The following USP46 variants were observed in gnomAD, a reference collection of about 807,000 sequenced individuals.
USP46 encodes the protein ubiquitin specific peptidase 46.
USP46 carries 12 observed loss-of-function variants against 44.4 expected under a neutral mutation model. The observed-to-expected ratio is 0.27, with a 90% confidence interval of 0.17 to 0.44. USP46 has a LOEUF of 0.44. Among genes scored for constraint, USP46 ranks in the 20% least tolerant of loss-of-function variants. USP46 has a pLI of 1.00. For synonymous variants in USP46, 155 were observed against 161.5 expected, an observed-to-expected ratio of 0.96 and a Z score of 0.31; for missense variants, 248 against 444.8, an observed-to-expected ratio of 0.56 and a Z score of 3.98.
intron 5 of USP46, among the ~76,000 whole-genome samples, chr4:52,609,030 C>CT (rs1716811592): frequency 6.6e-6 from 1 of 152,290 alleles, no homozygotes. Context: ...CACCCCTAAA[C>CT]TTTTCACAAG....
intron 1 of USP46, among the ~76,000 whole-genome samples, chr4:52,632,028 AGGGG>A (rs1443473714): frequency 6.8e-6 from 1 of 146,014 alleles, no homozygotes; most frequent in Non-Finnish European, 1.5e-5. Flanking sequence ...GGGAAGGGGA[AGGGG>A]AAGGGGAAGG....
chr4:52,599,087 A>G (rs1716351877), intron 7 of USP46, among the ~76,000 whole-genome samples: 1 of 152,216 alleles, frequency 6.6e-6, no homozygotes, highest in East Asian at 1.9e-4. Context: ...GGCAATACAC[A>G]AACTAAACTT....
intron 1 of USP46, among the ~76,000 whole-genome samples, chr4:52,634,209 G>T (rs1718021055): frequency 6.6e-6 from 1 of 151,164 alleles, no homozygotes; most frequent in African/African-American, 2.4e-5. Context: ...TACCCCCTGG[G>T]TTCAAACAAT....
intron 4 of USP46, among the ~76,000 whole-genome samples, chr4:52,613,195 T>G (rs1391161422): frequency 6.6e-6 from 1 of 152,032 alleles, no homozygotes; most frequent in Admixed American, 6.5e-5. Context: ...GAAGACTAAA[T>G]CTGGGAAACC....
chr4:52,601,787 C>A, intron 7 of USP46, 70 bp downstream of exon 7: 2 of 1,503,678 alleles, frequency 1.3e-6, no homozygotes, highest in East Asian at 2.3e-5. Flanking sequence ...AAAGGTGCAG[C>A]TGGGTATACT....
At chr4:52,649,384 C>A (rs1718672538) in intron 1 of USP46, among the ~76,000 whole-genome samples, 1 of 152,212 alleles carries the variant, frequency 6.6e-6, no homozygotes, top group African/African-American at 2.4e-5. Context: ...CATTGACTAC[C>A]TTTGTTGTAA....
At chr4:52,607,789 G>C (rs1716750649) in intron 5 of USP46, among the ~76,000 whole-genome samples, 1 of 152,168 alleles carries the variant, frequency 6.6e-6, no homozygotes, top group Non-Finnish European at 1.5e-5. Context: ...CCAGTTATGT[G>C]ATGTGCCTGC....
intron 1 of USP46, among the ~76,000 whole-genome samples, chr4:52,653,365 C>G (rs1718837674): frequency 6.6e-6 from 1 of 151,820 alleles, no homozygotes; most frequent in Admixed American, 6.6e-5. Context: ...ATTAGCCAGG[C>G]ATGGTAGCAG....
At chr4:52,614,109 G>C (rs1165499748) in intron 4 of USP46, among the ~76,000 whole-genome samples, 1 of 152,048 alleles carries the variant, frequency 6.6e-6, no homozygotes, top group African/African-American at 2.4e-5. Flanking sequence ...TGAATATGAA[G>C]ACAGATCAGT....
intron 4 of USP46, among the ~76,000 whole-genome samples, chr4:52,616,749 T>G (rs1560398048): frequency 1.3e-5 from 2 of 152,156 alleles, no homozygotes; most frequent in African/African-American, 4.8e-5. Context: ...CATATCTCAA[T>G]AAATTTAAAA....
chr4:52,648,205 G>A (rs1718627288), intron 1 of USP46, among the ~76,000 whole-genome samples: 1 of 152,132 alleles, frequency 6.6e-6, no homozygotes, highest in Admixed American at 6.6e-5. Flanking sequence ...TCACCGACCA[G>A]ACCATCATCT....
At chr4:52,653,805 A>C (rs1257084475) in intron 1 of USP46, among the ~76,000 whole-genome samples, 1 of 152,174 alleles carries the variant, frequency 6.6e-6, no homozygotes, top group Non-Finnish European at 1.5e-5. Flanking sequence ...ATGGAACCCC[A>C]ATCTATTCAC....
At chr4:52,617,673 T>C (rs932461674) in intron 4 of USP46, among the ~76,000 whole-genome samples, 2 of 152,188 alleles carry the variant, frequency 1.3e-5, no homozygotes, top group Non-Finnish European at 2.9e-5. Flanking sequence ...GTGGTTTTTT[T>C]GGGGTGGGGC....
intron 4 of USP46, among the ~76,000 whole-genome samples, chr4:52,611,663 G>T (rs2109609016): frequency 6.6e-6 from 1 of 152,226 alleles, no homozygotes; most frequent in South Asian, 2.1e-4. Flanking sequence ...GAGGCAGGTG[G>T]ATCACTTGAG....
intron 7 of USP46, among the ~76,000 whole-genome samples, chr4:52,601,123 C>G (rs1368158959): frequency 1.3e-5 from 2 of 152,220 alleles, no homozygotes; most frequent in Non-Finnish European, 1.5e-5. Flanking sequence ...AAGACTCTTG[C>G]TCTATGACAT....
At chr4:52,607,136 C>T (rs779293782) in intron 5 of USP46, among the ~76,000 whole-genome samples, 1 of 152,252 alleles carries the variant, frequency 6.6e-6, no homozygotes. Flanking sequence ...CTTATTTTCC[C>T]CAAAAACTTA....
chr4:52,626,844 CA>C (rs1301004999), intron 3 of USP46, among the ~76,000 whole-genome samples: 2 of 152,226 alleles, frequency 1.3e-5, no homozygotes, highest in East Asian at 3.9e-4. Context: ...CAGAAGTTAT[CA>C]GATAAGTTCC....
chr4:52,615,009 C>T (rs951552201), intron 4 of USP46, among the ~76,000 whole-genome samples: 2 of 151,474 alleles, frequency 1.3e-5, no homozygotes, highest in African/African-American at 4.9e-5. Flanking sequence ...AAAAATACAC[C>T]CAGGCATGCG....
chr4:52,642,258 G>A (rs1718370977), intron 1 of USP46, among the ~76,000 whole-genome samples: 1 of 152,216 alleles, frequency 6.6e-6, no homozygotes, highest in African/African-American at 2.4e-5. Context: ...TACAGTTACT[G>A]TTCTAGGGAT....
Sources: gnomAD v4.1 joint callset for allele counts (sites outside exome capture counted in the v4.1 genomes callset) on GRCh38, gnomAD v4.1.1 for gene constraint, MANE v1.5 for transcripts, NCBI Gene and HGNC (gene_info 2026-07-23, HGNC 2026-07-21) for gene names.